ADAM18: variants seen among roughly 807,000 people sequenced by gnomAD.
The protein encoded by ADAM18 is disintegrin and metalloproteinase domain-containing protein 18.
In ADAM18, 117 loss-of-function variants were observed where a neutral mutation model predicts 94.4. That is an observed-to-expected ratio of 1.24 (90% CI 1.07 to 1.45). The LOEUF is 1.45. Ranked by LOEUF, ADAM18 falls within the 40% of genes most tolerant of loss-of-function variation. The probability of loss-of-function intolerance (pLI) is 0.00; values close to 1 mark genes in which losing one functional copy is unlikely to be tolerated. For synonymous variants in ADAM18, 327 were observed against 291.6 expected (o/e 1.12, Z -1.24); for missense variants, 936 against 880.0 (o/e 1.06, Z -0.81).
At chr8:39,607,742 ATT>A (rs35507114) in intron 3 of ADAM18, among the ~76,000 whole-genome samples, 12 of 130,448 alleles carry the variant, frequency 9.2e-5, no homozygotes, top group African/African-American at 3.3e-4. Context: ...TCCTTTCTCT[ATT>A]TTTTTTTTTT....
chr8:39,680,129 A>G lies in ADAM18; in HGVS notation c.1724A>G (p.Asp575Gly). 1 of 1,613,880 alleles carries G rather than the reference A, an allele frequency of 6.2e-7. No homozygotes were observed. Among genetic ancestry groups the G allele is most frequent in the East Asian group, 2.2e-5 (1 of 44,864 alleles). ...AQSTVYSYIQ[D>G]HVCVSIATGS... is the part of the protein sequence containing the mutation. ...TCTACAGTTTATTCATATATTCAAG[A>G]CCATGTATGTGTATCTATAGCCACT... Residue 575 changes from aspartate to glycine, a missense_variant, in exon 16 of 20, where the codon GAC becomes GGC. Asp to Gly is a moderately conservative substitution (Grantham distance 94, BLOSUM62 -1). Transcript: ENST00000265707.
At chr8:39,681,332 C>T (rs1240061418) in intron 16 of ADAM18, among the ~76,000 whole-genome samples, 2 of 152,144 alleles carry the variant, frequency 1.3e-5, no homozygotes, top group African/African-American at 2.4e-5. Context: ...ACCACACAAG[C>T]AAGCTATGAA....
At chr8:39,646,308 A>G (rs976918736) in intron 11 of ADAM18, among the ~76,000 whole-genome samples, 1 of 152,096 alleles carries the variant, frequency 6.6e-6, no homozygotes, top group Non-Finnish European at 1.5e-5. Flanking sequence ...GTAATTTTAA[A>G]TTTTCTAGAA....
At chr8:39,602,266 T>C (rs766965559) in intron 2 of ADAM18, among the ~76,000 whole-genome samples, 10 of 152,184 alleles carry the variant, frequency 6.6e-5, no homozygotes, top group Admixed American at 2.6e-4. Context: ...ACCTCTCTAG[T>C]ATTTTTTGTA....
intron 17 of ADAM18, among the ~76,000 whole-genome samples, chr8:39,704,719 A>AT (rs1464567749): frequency 6.6e-6 from 1 of 151,898 alleles, no homozygotes; most frequent in Non-Finnish European, 1.5e-5. Flanking sequence ...AGGAGTGACC[A>AT]TTTTTGCGTT....
intron 17 of ADAM18, among the ~76,000 whole-genome samples, chr8:39,699,426 C>T (rs536334023): frequency 4.0e-5 from 6 of 151,848 alleles, no homozygotes; most frequent in South Asian, 4.2e-4. Flanking sequence ...TTGAATGAAT[C>T]GTATTAGTGA....
At chr8:39,707,864 A>AT (rs1457594773) in intron 18 of ADAM18, among the ~76,000 whole-genome samples, 1 of 152,156 alleles carries the variant, frequency 6.6e-6, no homozygotes, top group African/African-American at 2.4e-5. Flanking sequence ...TAAGGAAAGA[A>AT]TTTTTGGCTT....
intron 12 of ADAM18, among the ~76,000 whole-genome samples, chr8:39,656,382 G>T (rs554368042): frequency 6.6e-6 from 1 of 152,088 alleles, no homozygotes; most frequent in South Asian, 2.1e-4. Context: ...GGAATGCAGT[G>T]TAGAAAGGAT....
At chr8:39,593,999 G>A (rs992822967) in intron 2 of ADAM18, among the ~76,000 whole-genome samples, 1 of 151,972 alleles carries the variant, frequency 6.6e-6, no homozygotes, top group Non-Finnish European at 1.5e-5. Context: ...TATATTTAAC[G>A]TCACCATTGG....
rs544864692 is a variant in ADAM18 at position 39,646,388 on chromosome 8, CAATT to C, written c.1046+917_1046+920del. 2.6e-3 allele frequency among the ~76,000 whole-genome samples: 393 copies of C among 151,992 alleles called. 5 individuals carry two copies. The highest frequency in any genetic ancestry group is 9.1e-3 in the African/African-American group (377 of 41,456). Reference sequence around the variant, plus strand: ...TAAACATAATTAAAAACAATTAAAACAATTAAAATAATCAGGTGAAATTAATTGT... The same window carrying C: ...TAAACATAATTAAAAACAATTAAAACAAAATAATCAGGTGAAATTAATTGT... On this transcript the variant is annotated intron_variant, in intron 11 of 19. Transcript: ENST00000265707.
intron 16 of ADAM18, among the ~76,000 whole-genome samples, chr8:39,681,542 G>C (rs1821458797): frequency 6.6e-6 from 1 of 152,180 alleles, no homozygotes. Context: ...TGCAGCAACA[G>C]AAAACTGATG....
intron 6 of ADAM18, among the ~76,000 whole-genome samples, chr8:39,614,217 T>C (rs977430878): frequency 3.3e-5 from 5 of 151,846 alleles, no homozygotes; most frequent in African/African-American, 1.2e-4. Context: ...ATATTGCAAA[T>C]AGAGACAAGG....
intron 13 of ADAM18, among the ~76,000 whole-genome samples, chr8:39,666,089 G>A (rs1820987415): frequency 6.6e-6 from 1 of 152,136 alleles, no homozygotes; most frequent in African/African-American, 2.4e-5. Context: ...CCAGACTGGA[G>A]TGCAGTGGCA....
At chr8:39,601,374 C>T (rs1188393660) in intron 2 of ADAM18, among the ~76,000 whole-genome samples, 2 of 152,208 alleles carry the variant, frequency 1.3e-5, no homozygotes, top group Non-Finnish European at 2.9e-5. Flanking sequence ...CTTGTTTCCT[C>T]CACATTTGAG....
At chr8:39,628,613 C>T (rs1819841527) in intron 6 of ADAM18, among the ~76,000 whole-genome samples, 1 of 152,102 alleles carries the variant, frequency 6.6e-6, no homozygotes, top group African/African-American at 2.4e-5. Context: ...GATTCAACAC[C>T]CTCTTTACTC....
At chr8:39,599,252 A>G (rs956011842) in intron 2 of ADAM18, among the ~76,000 whole-genome samples, 4 of 152,180 alleles carry the variant, frequency 2.6e-5, no homozygotes, top group Non-Finnish European at 5.9e-5. Flanking sequence ...ACTTGGTTGT[A>G]ATGTATAAAA....
rs1286083083 is a variant in ADAM18 at position 39,584,575 on chromosome 8, C to T, written c.-48C>T. 6.8e-6 allele frequency: 11 copies of T among 1,606,180 alleles called. No individual in the cohort carries two copies. Among genetic ancestry groups the T allele is most frequent in the African/African-American group, 1.3e-5 (1 of 74,876 alleles). On this transcript the variant is annotated 5_prime_UTR_variant, in exon 1 of 20. Transcript: ENST00000265707. ...GAGCCTGCCCGCGAGCTCAACGCTG[C>T]TCAACGGTCTCTGTCCTTGGCTGTG...
At chr8:39,664,126 C>T (rs767498030) in intron 13 of ADAM18, among the ~76,000 whole-genome samples, 16 of 152,286 alleles carry the variant, frequency 1.1e-4, no homozygotes, top group South Asian at 2.1e-4. Flanking sequence ...CCACTTAATA[C>T]GTGCAAACAT....
At chr8:39,599,727 G>T (rs1818847857) in intron 2 of ADAM18, among the ~76,000 whole-genome samples, 1 of 151,768 alleles carries the variant, frequency 6.6e-6, no homozygotes. Flanking sequence ...ATTATCCATT[G>T]TTGTTATGTA....
Sources: allele counts gnomAD v4.1 joint callset (sites outside exome capture counted in the v4.1 genomes callset), GRCh38; gene constraint gnomAD v4.1.1; transcripts MANE v1.5; gene names NCBI Gene and HGNC (gene_info 2026-07-23, HGNC 2026-07-21).